Variants in COL4A2 observed in about 807,000 individuals in gnomAD.
The protein encoded by COL4A2 is collagen alpha-2(IV) chain.
In COL4A2, 99 loss-of-function variants were observed where a neutral mutation model predicts 200.2. That is an observed-to-expected ratio of 0.49 (90% confidence interval 0.42 to 0.58). The LOEUF (loss-of-function observed/expected upper bound fraction) is 0.58. Ranked by LOEUF, COL4A2 falls within the 20% of genes least tolerant of loss-of-function variation. COL4A2 has a pLI of 0.00. For missense variants in COL4A2, 1,950 were observed against 2,314.1 expected (o/e 0.84, Z 3.23); for synonymous variants, 897 against 900.6 (o/e 1.00, Z 0.07).
At chr13:110,408,201 A>C (rs1236673523) in intron 4 of COL4A2, among the ~76,000 whole-genome samples, 1 of 152,066 alleles carries the variant, frequency 6.6e-6, no homozygotes, top group Non-Finnish European at 1.5e-5. Flanking sequence ...CCATTCCAGG[A>C]GGGAGGGGGC....
chr13:110,460,739 G>A (rs1226362685), intron 22 of COL4A2, among the ~76,000 whole-genome samples: 1 of 152,148 alleles, frequency 6.6e-6, no homozygotes, highest in Non-Finnish European at 1.5e-5. Flanking sequence ...TTTTATTGTT[G>A]TTTTTGGTTT....
rs1267563334 is a variant in COL4A2, at chr13:110,495,416, C to T, written c.3709C>T (p.Leu1237Phe). ...ERGDPGEANT[L>F]PGPVGVPGQK... Reference sequence around the variant, plus strand: ...AGGTGACCCAGGAGAGGCCAACACCCTTCCAGGCCCTGTGGGAGTCCCAGG... The same window carrying T: ...AGGTGACCCAGGAGAGGCCAACACCTTTCCAGGCCCTGTGGGAGTCCCAGG... The change falls in exon 40 of 48, where the codon CTT becomes TTT. Residue 1237 changes from leucine (L) to phenylalanine (F), a missense_variant. Leu to Phe is a conservative substitution (Grantham distance 22). Transcript: ENST00000360467. The T allele has an allele frequency of 6.2e-7, 1 of 1,614,054 alleles. No homozygotes were observed. The highest frequency in any genetic ancestry group is 1.1e-5 in the South Asian group (1 of 91,070).
At chr13:110,406,476 C>T (rs1285160353) in intron 4 of COL4A2, among the ~76,000 whole-genome samples, 1 of 152,084 alleles carries the variant, frequency 6.6e-6, no homozygotes, top group Non-Finnish European at 1.5e-5. Flanking sequence ...GCAAATGGAC[C>T]CTCTCACTCT....
intron 3 of COL4A2, among the ~76,000 whole-genome samples, chr13:110,343,873 C>T (rs1876579998): frequency 6.6e-6 from 1 of 152,162 alleles, no homozygotes; most frequent in African/African-American, 2.4e-5. Flanking sequence ...GAAGGTACTT[C>T]TCTGGAATAA....
chr13:110,344,983 C>T (rs1345841204), intron 3 of COL4A2, among the ~76,000 whole-genome samples: 1 of 152,096 alleles, frequency 6.6e-6, no homozygotes, highest in African/African-American at 2.4e-5. Flanking sequence ...CTGTTTTTCC[C>T]ATGGACCTCG....
Position 110,450,109 on chromosome 13 carries a change from A to AT in COL4A2, c.1190-193dup, listed in dbSNP as rs546825472. Among the ~76,000 whole-genome samples the AT allele has an allele frequency of 9.2e-5, 14 of 152,302 alleles. No individual in the cohort carries two copies. In the South Asian group the frequency reaches 2.9e-3, roughly 32 times the overall value. ...TGTTGATCACAACTATCAAGCCATTATTTGAGGGGCAAGGAGAGGGGTGTT... is the reference window on the plus strand; with the variant it reads ...TGTTGATCACAACTATCAAGCCATTATTTTGAGGGGCAAGGAGAGGGGTGTT... On this transcript the variant is annotated intron_variant, in intron 19 of 47. Coordinates refer to ENST00000360467, the MANE Select transcript of COL4A2 (RefSeq NM_001846.4).
At chr13:110,455,897 T>C (rs1018993203) in intron 20 of COL4A2, among the ~76,000 whole-genome samples, 1 of 152,206 alleles carries the variant, frequency 6.6e-6, no homozygotes, top group Non-Finnish European at 1.5e-5. Flanking sequence ...GTAGTGTGTA[T>C]AGCAACATGC....
rs566588729 is a variant in COL4A2, at chr13:110,478,101, G to A, written c.2524G>A (p.Gly842Arg). 6.2e-7 allele frequency: 1 copy of A among 1,603,764 alleles called. No homozygotes were observed. The highest frequency in any genetic ancestry group is 1.3e-5 in the African/African-American group (1 of 74,764). Residue 842 changes from glycine to arginine, a missense_variant, in exon 30 of 48, where the codon GGA (glycine) becomes AGA (arginine). Gly to Arg is a moderately radical substitution (Grantham distance 125, BLOSUM62 -2). Coordinates refer to ENST00000360467, the MANE Select transcript of COL4A2 (RefSeq NM_001846.4). ...CCTGTATGGGCCTCCAGGACTGCAT[G>A]GATTCCCAGGAGCTCCTGGCCAAGA... ...PGLYGPPGLHGFPGAPGQEGP... is the reference protein window; with the variant it reads ...PGLYGPPGLHRFPGAPGQEGP...
chr13:110,370,432 T>G (rs769470360), intron 4 of COL4A2, among the ~76,000 whole-genome samples: 22 of 152,142 alleles, frequency 1.4e-4, no homozygotes, highest in Non-Finnish European at 1.9e-4. Flanking sequence ...ATTTTTTGTA[T>G]TTTTAGTAGA....
At chr13:110,352,088 A>G (rs1365007382) in intron 3 of COL4A2, among the ~76,000 whole-genome samples, 1 of 152,208 alleles carries the variant, frequency 6.6e-6, no homozygotes, top group African/African-American at 2.4e-5. Context: ...TGATTCCCTG[A>G]TAATGATCAT....
chr13:110,344,121 T>A (rs1461365221), intron 3 of COL4A2, among the ~76,000 whole-genome samples: 1 of 152,090 alleles, frequency 6.6e-6, no homozygotes, highest in African/African-American at 2.4e-5. Context: ...ACAACATAGC[T>A]CATAAATATG....
chr13:110,381,637 A>G (rs555332367), intron 4 of COL4A2, among the ~76,000 whole-genome samples: 18 of 152,218 alleles, frequency 1.2e-4, no homozygotes, highest in Non-Finnish European at 2.5e-4. Flanking sequence ...TCAGGTCAAC[A>G]ATGTGTTCTC....
chr13:110,373,761 A>G (rs1158613802), intron 4 of COL4A2, among the ~76,000 whole-genome samples: 1 of 152,208 alleles, frequency 6.6e-6, no homozygotes, highest in East Asian at 1.9e-4. Context: ...AATCTATGAC[A>G]TCCTAATGCC....
chr13:110,327,047 T>A (rs1317500140), intron 3 of COL4A2, among the ~76,000 whole-genome samples: 1 of 151,970 alleles, frequency 6.6e-6, no homozygotes, highest in Non-Finnish European at 1.5e-5. Context: ...TACCTCTGCC[T>A]GTCTCCAGCA....
chr13:110,436,456 A>G, intron 13 of COL4A2, 89 bp downstream of exon 13: 3 of 1,483,382 alleles, frequency 2.0e-6, no homozygotes, highest in Non-Finnish European at 2.7e-6. Flanking sequence ...CCACATTCCA[A>G]GTAGAAAAAG....
chr13:110,506,100 G>A (rs573205929), intron 45 of COL4A2, among the ~76,000 whole-genome samples: 5 of 152,296 alleles, frequency 3.3e-5, no homozygotes, highest in Admixed American at 6.5e-5. Context: ...CCTGGGTCCC[G>A]AGGTTTCTGT....
chr13:110,418,147 G>T (rs1224218427), intron 4 of COL4A2, among the ~76,000 whole-genome samples: 2 of 152,136 alleles, frequency 1.3e-5, no homozygotes, highest in Non-Finnish European at 1.5e-5. Context: ...CTGAAGTTTA[G>T]CATCTTTTCA....
At chr13:110,325,138 G>GCT (rs1472194666) in intron 3 of COL4A2, among the ~76,000 whole-genome samples, 1 of 152,220 alleles carries the variant, frequency 6.6e-6, no homozygotes, top group Non-Finnish European at 1.5e-5. Context: ...ATCCACCTTA[G>GCT]CTCAGCCTTT....
At chr13:110,347,786 A>T (rs1260842016) in intron 3 of COL4A2, among the ~76,000 whole-genome samples, 3 of 152,262 alleles carry the variant, frequency 2.0e-5, no homozygotes, top group Non-Finnish European at 4.4e-5. Flanking sequence ...AAACACCCAG[A>T]CATTGAGCTG....
Sources: allele counts gnomAD v4.1 joint callset (sites outside exome capture counted in the v4.1 genomes callset), GRCh38; gene constraint gnomAD v4.1.1; transcripts MANE v1.5; gene names NCBI Gene and HGNC (gene_info 2026-07-23, HGNC 2026-07-21).